The following GOLIM4 variants were observed in gnomAD, a reference collection of about 807,000 sequenced individuals.
The protein encoded by GOLIM4 is golgi integral membrane protein 4.
Under a neutral mutation model 107.4 loss-of-function variants are expected in GOLIM4, and 71 were observed. The ratio of observed to expected loss-of-function variants is 0.66; its 90% CI spans 0.55 to 0.81. GOLIM4 has a LOEUF of 0.81. Among genes scored for constraint, GOLIM4 ranks in the 30% least tolerant of loss-of-function variants. GOLIM4 has a pLI of 0.00. For synonymous variants in GOLIM4, 327 were observed against 294.8 expected (o/e 1.11, Z -1.12); for missense variants, 830 against 826.1 (o/e 1.00, Z -0.06).
At chr3:168,037,451 TACACAC>T (rs10628217) in intron 7 of GOLIM4, among the ~76,000 whole-genome samples, 1 of 149,514 alleles carries the variant, frequency 6.7e-6, no homozygotes, top group East Asian at 2.0e-4. Context: ...TAAATACACA[TACACAC>T]ACACACACAC....
In GOLIM4 at chr3:168,077,089, C is replaced by G. The variant is rs1373528750; in HGVS notation, c.187+18010G>C. On this transcript the variant is annotated intron_variant, in intron 1 of 15. Transcript: ENST00000470487. ...ATGTTGATGTTAATATTTTAAAAGTCTGTATCACTATAAAATGATTCTTCA... is the reference window on the plus strand; with the variant it reads ...ATGTTGATGTTAATATTTTAAAAGTGTGTATCACTATAAAATGATTCTTCA... Among the ~76,000 whole-genome samples the G allele has an allele frequency of 3.3e-5, 5 of 152,190 alleles. No individual in the cohort carries two copies. In the East Asian group the frequency reaches 9.6e-4, roughly 29 times the overall value.
chr3:168,032,823 G>A lies in GOLIM4; in HGVS notation c.873C>T (p.Asn291=). 4 of 1,613,010 alleles carry A rather than the reference G, an allele frequency of 2.5e-6. No individual in the cohort carries two copies. Among genetic ancestry groups the A allele is most frequent in the Non-Finnish European group, 3.4e-6 (4 of 1,179,236 alleles). The change falls in exon 9 of 16, where the codon AAC becomes AAT. Residue 291 remains asparagine (N), a synonymous_variant. Coordinates refer to ENST00000470487, the MANE Select transcript of GOLIM4 (RefSeq NM_014498.5). ...EVSRNNDVWQ[N]HEAVPGRAED... ...CTGCTCTTCCAGGAACTGCTTCATG[G>A]TTCTGCCACACATCATTATTTCGAG...
chr3:168,031,985 A>G (rs1325405070), intron 9 of GOLIM4, among the ~76,000 whole-genome samples: 1 of 152,172 alleles, frequency 6.6e-6, no homozygotes, highest in Non-Finnish European at 1.5e-5. Context: ...CGTGTCCAGT[A>G]AGGGATCCTG....
At chr3:168,019,515 A>C (rs1487170384) in intron 14 of GOLIM4, among the ~76,000 whole-genome samples, 1 of 152,164 alleles carries the variant, frequency 6.6e-6, no homozygotes, top group Non-Finnish European at 1.5e-5. Context: ...CAGTTGGTAT[A>C]TTCTAATCAT....
chr3:168,029,179 C>T, intron 11 of GOLIM4, 44 bp downstream of exon 11: 2 of 1,217,738 alleles, frequency 1.6e-6, no homozygotes, highest in Non-Finnish European at 2.4e-6. Context: ...ACAATGTTAT[C>T]AAGTAATTTA....
chr3:168,055,741 G>A (rs1301703428), intron 1 of GOLIM4, among the ~76,000 whole-genome samples: 7 of 149,558 alleles, frequency 4.7e-5, no homozygotes, highest in African/African-American at 1.7e-4. Flanking sequence ...GGCGGAGCTT[G>A]CAGTGAGCAG....
chr3:168,051,570 T>C (rs983633700), intron 1 of GOLIM4, among the ~76,000 whole-genome samples: 5 of 152,284 alleles, frequency 3.3e-5, no homozygotes, highest in African/African-American at 7.2e-5. Context: ...GGCATCATAA[T>C]AGCAAACTGT....
chr3:168,049,708 C>A (rs1298120255), intron 1 of GOLIM4, among the ~76,000 whole-genome samples: 2 of 152,174 alleles, frequency 1.3e-5, no homozygotes, highest in Non-Finnish European at 2.9e-5. Flanking sequence ...ACTCCCTTTC[C>A]CCATCCCTGC....
intron 1 of GOLIM4, among the ~76,000 whole-genome samples, chr3:168,062,347 G>A (rs942002984): frequency 2.0e-5 from 3 of 150,942 alleles, no homozygotes; most frequent in Admixed American, 2.0e-4. Flanking sequence ...ATTTCCATTT[G>A]TAATGTAGGA....
intron 1 of GOLIM4, among the ~76,000 whole-genome samples, chr3:168,090,774 G>A (rs532341494): frequency 7.2e-5 from 11 of 152,094 alleles, no homozygotes; most frequent in Non-Finnish European, 1.2e-4. Flanking sequence ...CAACCTAAGC[G>A]TCCATCAACA....
At chr3:168,068,784 C>T (rs1720680970) in intron 1 of GOLIM4, among the ~76,000 whole-genome samples, 3 of 151,244 alleles carry the variant, frequency 2.0e-5, no homozygotes, top group African/African-American at 7.3e-5. Context: ...TTGTGAATGC[C>T]TTATTTTACC....
At chr3:168,047,040 A>G (rs770752299) in intron 2 of GOLIM4, 41 bp from the exon 3 acceptor site, 2 of 927,862 alleles carry the variant, frequency 2.2e-6, no homozygotes, top group Non-Finnish European at 3.3e-6. Context: ...ATAATTCACT[A>G]CACAGATTTT....
intron 14 of GOLIM4, among the ~76,000 whole-genome samples, chr3:168,012,697 G>C (rs1717122234): frequency 6.6e-6 from 1 of 151,984 alleles, no homozygotes; most frequent in Non-Finnish European, 1.5e-5. Context: ...TCTCTCGGCA[G>C]AAACTCTACA....
rs565453731 is a variant in GOLIM4, at chr3:168,016,507, G to A, written c.1861-5684C>T. Among the ~76,000 whole-genome samples the A allele has an allele frequency of 1.8e-3, 239 of 132,302 alleles. 48 individuals carry two copies. Among genetic ancestry groups the A allele is most frequent in the African/African-American group, 9.4e-3 (226 of 23,920 alleles). 86.8% of individuals were successfully genotyped at this position (132,302 alleles called of 152,430 possible). ...GGCGATTCCTCAGGGATCTAGAACT[G>A]GAAATACCATTTGACCCAGCCATCC... is the stretch of plus-strand genomic sequence containing the variant. On this transcript the variant is annotated intron_variant, in intron 14 of 15. Coordinates refer to ENST00000470487, the MANE Select transcript of GOLIM4 (RefSeq NM_014498.5).
intron 2 of GOLIM4, 127 bp downstream of exon 2, chr3:168,048,164 G>C: frequency 1.5e-6 from 1 of 664,458 alleles, no homozygotes; most frequent in Non-Finnish European, 2.7e-6. Context: ...GTCTTTCTCT[G>C]TCCACCTATC....
chr3:168,036,976 T>C lies in GOLIM4; in HGVS notation c.703A>G (p.Lys235Glu), dbSNP rs1444057486. Reference sequence around the variant, plus strand: ...CTATTCAGAGTATCTTTCAGTTGTTTATATTCTGCAACTTGAGTCTGCATA... The same window carrying C: ...CTATTCAGAGTATCTTTCAGTTGTTCATATTCTGCAACTTGAGTCTGCATA... ...AAAQTQVAEY[K>E]QLKDTLNRIP... Residue 235 changes from lysine (K) to glutamate (E), a missense_variant, in exon 8 of 16, where the codon AAA becomes GAA. Transcript: ENST00000470487. 1.2e-6 allele frequency: 2 copies of C among 1,613,084 alleles called. No individual in the cohort carries two copies. The highest frequency in any genetic ancestry group is 1.1e-5 in the South Asian group (1 of 90,942).
At position 168,029,873 on chromosome 3, in the gene GOLIM4, T is replaced by G. The variant is rs1718214714; in HGVS notation, c.1340A>C (p.Gln447Pro). ...TGCCACCTGCTGCTGCTGCTGTTCC[T>G]GCTGCCGTAGTAAGTGCCCCTGCAG... ...QRLQGHLLRQ[Q>P]EQQQQQVARE... Residue 447 changes from glutamine to proline, a missense_variant, in exon 10 of 16, where the codon CAG becomes CCG. Transcript: ENST00000470487. 6.2e-7 allele frequency: 1 copy of G among 1,614,014 alleles called. No individual in the cohort carries two copies. The highest frequency in any genetic ancestry group is 8.5e-7 in the Non-Finnish European group (1 of 1,180,026).
At position 168,095,341 on chromosome 3, in the gene GOLIM4, G is replaced by C; in HGVS notation, c.-56C>G. 2.0e-6 allele frequency: 3 copies of C among 1,516,646 alleles called. No homozygotes were observed. The highest frequency in any genetic ancestry group is 1.4e-5 in the African/African-American group (1 of 72,448). The allele number at this position is 1,516,646 out of a possible 1,614,324, so 93.9% of individuals were successfully genotyped here. ...CCCCGCCGTCTCCTCCCCTTGGTCC[G>C]AGCGAGCGTCTCAGCAGCGGCCGCC... On this transcript the variant is annotated 5_prime_UTR_variant, in exon 1 of 16. Coordinates refer to ENST00000470487, the MANE Select transcript of GOLIM4 (RefSeq NM_014498.5).
chr3:168,069,926 T>A (rs1240473471), intron 1 of GOLIM4, among the ~76,000 whole-genome samples: 1 of 151,954 alleles, frequency 6.6e-6, no homozygotes, highest in Admixed American at 6.5e-5. Flanking sequence ...AGTCTTTGTA[T>A]AGAAAGATGG....
Sources: gnomAD v4.1 joint callset for allele counts (sites outside exome capture counted in the v4.1 genomes callset) on GRCh38, gnomAD v4.1.1 for gene constraint, MANE v1.5 for transcripts, NCBI Gene and HGNC (gene_info 2026-07-23, HGNC 2026-07-21) for gene names.